The following ATXN7 variants were observed in gnomAD, a reference collection of about 807,000 sequenced individuals.
The protein encoded by ATXN7 is ataxin-7.
Under a neutral mutation model 70.5 loss-of-function variants are expected in ATXN7, and 12 were observed. That is an observed-to-expected ratio of 0.17 (90% CI 0.11 to 0.28). The LOEUF (loss-of-function observed/expected upper bound fraction) is 0.28, where lower values mean the gene tolerates loss of function less well. Among genes scored for constraint, ATXN7 ranks in the 10% least tolerant of loss-of-function variants. The probability of loss-of-function intolerance (pLI) is 1.00; values close to 1 mark genes in which losing one functional copy is unlikely to be tolerated. For missense variants in ATXN7, 1,256 were observed against 1,131.7 expected (o/e 1.11, Z -1.58); for synonymous variants, 498 against 448.7 (o/e 1.11, Z -1.39).
chr3:63,987,956 A>G, intron 8 of ATXN7, 103 bp from the exon 9 acceptor site: 2 of 1,385,636 alleles, frequency 1.4e-6, no homozygotes, highest in South Asian at 1.3e-5. Context: ...CACTATGCTT[A>G]TGGTCTAGAT....
chr3:63,943,461 T>C (rs972297439), intron 4 of ATXN7, among the ~76,000 whole-genome samples: 11 of 152,044 alleles, frequency 7.2e-5, no homozygotes, highest in Non-Finnish European at 1.3e-4. Flanking sequence ...CACGGCCAGC[T>C]CAGAGACCAA....
At chr3:63,926,142 A>G (rs190151916) in intron 4 of ATXN7, among the ~76,000 whole-genome samples, 1 of 152,308 alleles carries the variant, frequency 6.6e-6, no homozygotes, top group East Asian at 1.9e-4. Context: ...AATGGTTTCT[A>G]TTTGCTTGCC....
At chr3:63,886,629 G>A (rs1703094793) in intron 1 of ATXN7, among the ~76,000 whole-genome samples, 1 of 152,124 alleles carries the variant, frequency 6.6e-6, no homozygotes, top group South Asian at 2.1e-4. Flanking sequence ...CAGGTTTACA[G>A]GAACTCTCTG....
intron 1 of ATXN7, among the ~76,000 whole-genome samples, chr3:63,890,573 G>A (rs911612079): frequency 6.6e-6 from 1 of 152,118 alleles, no homozygotes; most frequent in African/African-American, 2.4e-5. Context: ...TTTGTTATCT[G>A]TATGATTTTG....
chr3:63,863,383 G>A, upstream of ATXN7: 3 of 979,342 alleles, frequency 3.1e-6, no homozygotes, highest in South Asian at 4.8e-5. Context: ...CGGCTCCTGG[G>A]TCCTCACCGC....
intron 9 of ATXN7, 67 bp downstream of exon 9, chr3:63,988,391 CAGT>C: frequency 6.3e-7 from 1 of 1,584,296 alleles, no homozygotes; most frequent in Non-Finnish European, 8.6e-7. Context: ...TGTAAAATTT[CAGT>C]ATGGTCATGC....
intron 5 of ATXN7, among the ~76,000 whole-genome samples, chr3:63,965,426 GTT>G (rs1329945420): frequency 7.2e-5 from 11 of 152,118 alleles, no homozygotes; most frequent in Admixed American, 7.2e-4. Flanking sequence ...AAGTTTGCCT[GTT>G]TGCTGCGAAT....
chr3:63,919,975 A>C (rs1704443849), intron 4 of ATXN7, among the ~76,000 whole-genome samples: 1 of 151,902 alleles, frequency 6.6e-6, no homozygotes, highest in African/African-American at 2.4e-5. Context: ...ATTCTCCAGA[A>C]TCGCTGCCCC....
intron 1 of ATXN7, among the ~76,000 whole-genome samples, chr3:63,874,496 G>T (rs1702691286): frequency 1.3e-5 from 2 of 152,212 alleles, no homozygotes; most frequent in Non-Finnish European, 2.9e-5. Context: ...CAGAGCATTT[G>T]CACGTATGTT....
At chr3:63,905,988 A>G (rs1265048943) in intron 2 of ATXN7, 1 of 152,258 alleles carries the variant, frequency 6.6e-6, no homozygotes, top group Non-Finnish European at 1.5e-5. Context: ...CAGTACACCT[A>G]GAAGTCATCT....
intron 5 of ATXN7, among the ~76,000 whole-genome samples, chr3:63,977,854 T>A (rs923995524): frequency 6.6e-6 from 1 of 152,200 alleles, no homozygotes; most frequent in Non-Finnish European, 1.5e-5. Flanking sequence ...ATGATAGAAT[T>A]GATAAAGTAA....
rs1490013153 is a variant in ATXN7, at chr3:63,999,810, T to C, written c.*343T>C. 9.0e-6 allele frequency: 4 copies of C among 443,082 alleles called. No individual in the cohort carries two copies. Among genetic ancestry groups the C allele is most frequent in the Non-Finnish European group, 8.2e-6 (2 of 243,636 alleles). The allele number at this position is 443,082 out of a possible 1,614,324, so 27.4% of individuals were successfully genotyped here. On this transcript the variant is annotated 3_prime_UTR_variant, in exon 13 of 13. Coordinates refer to ENST00000674280, the MANE Select transcript of ATXN7 (RefSeq NM_001377405.1). ...ATCACAGAGCCACTCTTCAAGTAGA[T>C]TGGCTGGGCAAAAGAATGTTTTGGC...
intron 4 of ATXN7, among the ~76,000 whole-genome samples, chr3:63,920,508 C>G (rs1704468117): frequency 6.6e-6 from 1 of 152,194 alleles, no homozygotes; most frequent in African/African-American, 2.4e-5. Flanking sequence ...ATGTACATGG[C>G]TTTTCATGAG....
chr3:63,997,743 A>AGTT, intron 12 of ATXN7: 1 of 1,542,716 alleles, frequency 6.5e-7, no homozygotes, highest in Non-Finnish European at 8.7e-7. Context: ...AACTTAACTC[A>AGTT]AATGCCAGCC....
At chr3:63,883,944 T>C (rs956556015) in intron 1 of ATXN7, among the ~76,000 whole-genome samples, 3 of 152,144 alleles carry the variant, frequency 2.0e-5, no homozygotes, top group Admixed American at 1.3e-4. Context: ...ATTACCAAGC[T>C]TGATTGATTA....
At chr3:63,914,272 T>G (rs1704174852) in intron 4 of ATXN7, among the ~76,000 whole-genome samples, 1 of 152,224 alleles carries the variant, frequency 6.6e-6, no homozygotes. Context: ...TTTTCACACC[T>G]GCTTTTTCTT....
chr3:63,863,756 G>A (rs1384949089), upstream of ATXN7: 2 of 1,250,304 alleles, frequency 1.6e-6, no homozygotes, highest in Non-Finnish European at 2.0e-6. Flanking sequence ...GCGTGTGGCG[G>A]CGAGCGGGGC....
intron 1 of ATXN7, among the ~76,000 whole-genome samples, chr3:63,885,220 G>C (rs1307509690): frequency 6.6e-6 from 1 of 152,156 alleles, no homozygotes; most frequent in Non-Finnish European, 1.5e-5. Context: ...CCATATATCT[G>C]ATAAGGGGTT....
At position 63,999,926 on chromosome 3, in the gene ATXN7, G is replaced by A. The variant is rs2075816518; in HGVS notation, c.*459G>A. The A allele has an allele frequency of 5.3e-6, 1 of 190,282 alleles. No homozygotes were observed. The highest frequency in any genetic ancestry group is 2.3e-5 in the African/African-American group (1 of 42,710). The allele number at this position is 190,282 out of a possible 1,614,324, so 11.8% of individuals were successfully genotyped here. A position where few individuals can be genotyped will look rare whatever the true frequency, so the allele number is the denominator to read the frequency against. On this transcript the variant is annotated 3_prime_UTR_variant, in exon 13 of 13. Coordinates refer to ENST00000674280, the MANE Select transcript of ATXN7 (RefSeq NM_001377405.1). ...CTGTAGGTCACTCTCCAGCAGTTAG[G>A]CACCTTAACTGGAGACCAGAAACCT...
Sources: allele counts gnomAD v4.1 joint callset (sites outside exome capture counted in the v4.1 genomes callset), GRCh38; gene constraint gnomAD v4.1.1; transcripts MANE v1.5; gene names NCBI Gene and HGNC (gene_info 2026-07-23, HGNC 2026-07-21).